LIN52: variants seen among roughly 807,000 people sequenced by gnomAD.
LIN52 encodes protein lin-52 homolog.
LIN52 carries 4 observed loss-of-function variants against 18.5 expected under a neutral mutation model. That is an observed-to-expected ratio of 0.22 (90% CI 0.11 to 0.49). The LOEUF is 0.49. Among genes scored for constraint, LIN52 ranks in the 20% least tolerant of loss-of-function variants. The pLI is 0.97. For missense variants in LIN52, 102 were observed against 139.5 expected (o/e 0.73, Z 1.35); for synonymous variants, 34 against 45.5 (o/e 0.75, Z 1.02).
In LIN52 at chr14:74,134,543, CCTTT is replaced by C. The variant is rs557884326; in HGVS notation, c.283+33308_283+33311del. Among the ~76,000 whole-genome samples, 204 of 152,244 alleles carry C rather than the reference CCTTT, an allele frequency of 1.3e-3. 1 individual carries two copies. Among genetic ancestry groups the C allele is most frequent in the African/African-American group, 4.8e-3 (198 of 41,554 alleles). ...AATTGATATGGTAGATGTGAAAAATCCTTTCTAACTTCATTTTATAATGTACCTT... is the reference window on the plus strand; with the variant it reads ...AATTGATATGGTAGATGTGAAAAATCCTAACTTCATTTTATAATGTACCTT... On this transcript the variant is annotated intron_variant, in intron 5 of 5. Coordinates refer to ENST00000555028, the MANE Select transcript of LIN52 (RefSeq NM_001024674.3).
At position 74,118,697 on chromosome 14, in the gene LIN52, C is replaced by T. The variant is rs1479268396; in HGVS notation, c.283+17459C>T. ...GCTGAGGTGGGAGGATCACCTGAAC[C>T]TGGGAAGTCAAGGCTGGAGTGAACC... On this transcript the variant is annotated intron_variant, in intron 5 of 5. Transcript: ENST00000555028. Among the ~76,000 whole-genome samples the T allele has an allele frequency of 2.0e-5, 3 of 152,156 alleles. No homozygotes were observed. The East Asian group carries it at 5.8e-4, about 29-fold the overall frequency.
chr14:74,103,733 GTTTTTTTTTTTTTTTTTTTT>G (rs573188668), intron 5 of LIN52, among the ~76,000 whole-genome samples: 3 of 46,024 alleles, frequency 6.5e-5, no homozygotes, highest in Admixed American at 3.6e-4. Context: ...GGCCTGGCCA[GTTTTTTTTTTTTTTTTTTTT>G]TTTTTTTTTT....
At chr14:74,086,890 G>A (rs527537236) in intron 1 of LIN52, among the ~76,000 whole-genome samples, 1 of 151,532 alleles carries the variant, frequency 6.6e-6, no homozygotes, top group Non-Finnish European at 1.5e-5. Context: ...TAATACCACT[G>A]AAATGTATAC....
intron 5 of LIN52, among the ~76,000 whole-genome samples, chr14:74,142,614 TCAGTAGC>T (rs986017806): frequency 6.6e-6 from 1 of 151,662 alleles, no homozygotes; most frequent in Admixed American, 6.6e-5. Context: ...TAGGAAATGC[TCAGTAGC>T]CATGTGTCGC....
chr14:74,185,902 C>T (rs918158418), intron 5 of LIN52, among the ~76,000 whole-genome samples: 1 of 152,060 alleles, frequency 6.6e-6, no homozygotes, highest in African/African-American at 2.4e-5. Context: ...ACTGAATAGG[C>T]ATGTGAGTAA....
intron 5 of LIN52, among the ~76,000 whole-genome samples, chr14:74,181,585 C>T (rs973329814): frequency 1.3e-5 from 2 of 151,892 alleles, no homozygotes; most frequent in Admixed American, 6.6e-5. Flanking sequence ...AAATAGTATT[C>T]TTTCATTTAA....
chr14:74,115,359 T>C (rs1234937092), intron 5 of LIN52, among the ~76,000 whole-genome samples: 5 of 152,212 alleles, frequency 3.3e-5, no homozygotes, highest in Non-Finnish European at 5.9e-5. Context: ...ACTTTTTTTT[T>C]CCATGTTTCT....
intron 5 of LIN52, among the ~76,000 whole-genome samples, chr14:74,169,248 T>G (rs1189911056): frequency 6.6e-6 from 1 of 152,220 alleles, no homozygotes; most frequent in Non-Finnish European, 1.5e-5. Context: ...TCAAGAGAAG[T>G]TCCCTTTTAC....
chr14:74,152,959 C>CAAAAAAAA, intron 5 of LIN52, among the ~76,000 whole-genome samples: 1 of 41,550 alleles, frequency 2.4e-5, no homozygotes, highest in Non-Finnish European at 5.4e-5. Flanking sequence ...GACTCTGTCT[C>CAAAAAAAA]AAAAAAAAAA....
chr14:74,120,814 C>T (rs1373389833), intron 5 of LIN52, among the ~76,000 whole-genome samples: 1 of 151,166 alleles, frequency 6.6e-6, no homozygotes, highest in East Asian at 1.9e-4. Context: ...CCCAGCTACT[C>T]AGGAGGCTGA....
intron 5 of LIN52, among the ~76,000 whole-genome samples, chr14:74,130,278 GT>G (rs71460958): frequency 4.2e-4 from 27 of 64,842 alleles, no homozygotes; most frequent in Non-Finnish European, 5.9e-4. Context: ...GCATTTTTTG[GT>G]TTTTTTTTTT....
chr14:74,112,290 T>A (rs570842600), intron 5 of LIN52, among the ~76,000 whole-genome samples: 2 of 152,088 alleles, frequency 1.3e-5, no homozygotes, highest in African/African-American at 4.8e-5. Flanking sequence ...TTTTACATAT[T>A]TCCTTGTTTG....
At chr14:74,141,287 T>G (rs1426424237) in intron 5 of LIN52, among the ~76,000 whole-genome samples, 1 of 152,240 alleles carries the variant, frequency 6.6e-6, no homozygotes, top group Non-Finnish European at 1.5e-5. Flanking sequence ...AAAGTTTATA[T>G]ACATTACCAT....
chr14:74,093,902 G>A (rs995003614), intron 2 of LIN52, among the ~76,000 whole-genome samples: 17 of 152,048 alleles, frequency 1.1e-4, no homozygotes, highest in Admixed American at 3.3e-4. Context: ...GGGAGGCAGA[G>A]GTTGCAGTGA....
chr14:74,087,198 G>A (rs957455728), intron 1 of LIN52, among the ~76,000 whole-genome samples: 3 of 151,892 alleles, frequency 2.0e-5, no homozygotes, highest in Non-Finnish European at 4.4e-5. Context: ...GGTGGATCAC[G>A]AGGTCAGGAG....
At chr14:74,181,854 A>G (rs911741347) in intron 5 of LIN52, among the ~76,000 whole-genome samples, 2 of 152,214 alleles carry the variant, frequency 1.3e-5, no homozygotes, top group African/African-American at 4.8e-5. Flanking sequence ...AAGTAGACAC[A>G]TCAAGTTCTT....
At chr14:74,141,088 T>G (rs1401857178) in intron 5 of LIN52, among the ~76,000 whole-genome samples, 1 of 152,132 alleles carries the variant, frequency 6.6e-6, no homozygotes, top group East Asian at 1.9e-4. Flanking sequence ...ACTGTAAAGA[T>G]CTCTCTGTGC....
chr14:74,159,440 G>A (rs974469549), intron 5 of LIN52, among the ~76,000 whole-genome samples: 1 of 152,132 alleles, frequency 6.6e-6, no homozygotes, highest in African/African-American at 2.4e-5. Context: ...GCAGTATAAT[G>A]TTACTACTTA....
chr14:74,194,129 A>G (rs2139597678), intron 5 of LIN52, among the ~76,000 whole-genome samples: 1 of 152,348 alleles, frequency 6.6e-6, no homozygotes, highest in African/African-American at 2.4e-5. Flanking sequence ...TCATTGGGGA[A>G]AGGTGCAGAG....
Sources: allele counts gnomAD v4.1 joint callset (sites outside exome capture counted in the v4.1 genomes callset), GRCh38; gene constraint gnomAD v4.1.1; transcripts MANE v1.5; gene names NCBI Gene and HGNC (gene_info 2026-07-23, HGNC 2026-07-21).